The following TXNDC11 variants were observed in gnomAD, a reference collection of about 807,000 sequenced individuals.
TXNDC11 encodes thioredoxin domain-containing protein 11.
A neutral mutation model predicts 78.0 loss-of-function variants in TXNDC11; 68 were observed. That is an observed-to-expected ratio of 0.87 (90% CI 0.72 to 1.07). TXNDC11 has a LOEUF of 1.07. Among genes scored for constraint, TXNDC11 ranks in the 50% least tolerant of loss-of-function variants. The pLI, the probability that TXNDC11 is intolerant of heterozygous loss-of-function variation, is 0.00. For missense variants in TXNDC11, 1,389 were observed against 1,221.8 expected, an observed-to-expected ratio of 1.14 and a Z score of -2.04; for synonymous variants, 571 against 495.2, an observed-to-expected ratio of 1.15 and a Z score of -2.03.
At chr16:11,714,255 C>G (rs2051457077) in intron 5 of TXNDC11, among the ~76,000 whole-genome samples, 1 of 152,172 alleles carries the variant, frequency 6.6e-6, no homozygotes, top group Admixed American at 6.5e-5. Flanking sequence ...AACTCCTGAG[C>G]TCAAGAGATC....
chr16:11,686,479 T>A (rs892991926), intron 10 of TXNDC11, among the ~76,000 whole-genome samples: 2 of 152,232 alleles, frequency 1.3e-5, no homozygotes, highest in African/African-American at 4.8e-5. Context: ...TAAAATTAAC[T>A]GGGTCAAAAA....
intron 7 of TXNDC11, among the ~76,000 whole-genome samples, chr16:11,695,470 G>C (rs1162573211): frequency 1.3e-5 from 2 of 152,092 alleles, no homozygotes; most frequent in Non-Finnish European, 2.9e-5. Context: ...AAAAAGTAAA[G>C]CCACCTAACT....
In TXNDC11 at chr16:11,691,370, T is replaced by C; in HGVS notation, c.1820A>G (p.Glu607Gly). 1 of 1,614,232 alleles carries C rather than the reference T, an allele frequency of 6.2e-7. No individual in the cohort carries two copies. The highest frequency in any genetic ancestry group is 8.5e-7 in the Non-Finnish European group (1 of 1,180,036). ...LGAPSSTQVK[E>G]FAAIVDVKEE... ...TTTCACGTCAACAATTGCCGCAAATTCTTTCACCTGAGTGGAGCTCGGAGC... is the reference window on the plus strand; with the variant it reads ...TTTCACGTCAACAATTGCCGCAAATCCTTTCACCTGAGTGGAGCTCGGAGC... The change falls in exon 8 of 12, where the codon GAA becomes GGA. Residue 607 changes from glutamate to glycine, a missense_variant. By Grantham distance (98) the Glu-to-Gly change is moderately conservative (BLOSUM62 -2). Transcript: ENST00000283033.
rs1597415039 is a variant in TXNDC11, at chr16:11,691,441, G to A, written c.1749C>T (p.Tyr583=). The A allele has an allele frequency of 1.2e-6, 2 of 1,614,208 alleles. No individual in the cohort carries two copies. Among genetic ancestry groups the A allele is most frequent in the South Asian group, 1.1e-5 (1 of 91,084 alleles). Residue 583 remains tyrosine, a synonymous_variant, in exon 8 of 12, where the codon TAC becomes TAT. Coordinates refer to ENST00000283033, the MANE Select transcript of TXNDC11 (RefSeq NM_015914.7). The part of the protein sequence containing the change: ...SCRTNKTLNI[Y]LLDSNLFWLY... ...ACCAAAACAAATTTGAATCCAAAAGGTAGATGTTGAGAGTCTTGTTGGTTC... is the reference window on the plus strand; with the variant it reads ...ACCAAAACAAATTTGAATCCAAAAGATAGATGTTGAGAGTCTTGTTGGTTC...
intron 1 of TXNDC11, 126 bp from the exon 2 acceptor site, chr16:11,736,359 C>A: frequency 1.4e-6 from 1 of 736,878 alleles, no homozygotes; most frequent in Non-Finnish European, 2.2e-6. Flanking sequence ...CCCAAAATCA[C>A]TGCCCTAGAA....
chr16:11,734,288 T>C (rs183913332), intron 2 of TXNDC11, among the ~76,000 whole-genome samples: 1 of 152,248 alleles, frequency 6.6e-6, no homozygotes, highest in Non-Finnish European at 1.5e-5. Flanking sequence ...AGGCAGGACT[T>C]GGACCGTGTT....
At chr16:11,726,483 G>C (rs2051881422) in intron 4 of TXNDC11, among the ~76,000 whole-genome samples, 1 of 151,100 alleles carries the variant, frequency 6.6e-6, no homozygotes, top group Non-Finnish European at 1.5e-5. Flanking sequence ...AGGAGGCTGA[G>C]GCAGGAGAAT....
intron 5 of TXNDC11, among the ~76,000 whole-genome samples, chr16:11,706,914 C>T (rs902104783): frequency 4.0e-5 from 6 of 151,870 alleles, no homozygotes; most frequent in African/African-American, 1.5e-4. Context: ...TTTTTTTTAA[C>T]GAAACACAGA....
At chr16:11,739,435 G>A (rs1307369756) in intron 1 of TXNDC11, among the ~76,000 whole-genome samples, 1 of 152,132 alleles carries the variant, frequency 6.6e-6, no homozygotes, top group Non-Finnish European at 1.5e-5. Context: ...GGAGGCTAAG[G>A]CAGGAGAATT....
intron 5 of TXNDC11, among the ~76,000 whole-genome samples, chr16:11,714,980 G>T (rs2051485769): frequency 6.6e-6 from 1 of 152,116 alleles, no homozygotes; most frequent in African/African-American, 2.4e-5. Context: ...GCCGGGCGTG[G>T]TGGCTCACGC....
intron 3 of TXNDC11, among the ~76,000 whole-genome samples, chr16:11,733,639 T>C (rs1381521495): frequency 6.6e-6 from 1 of 152,232 alleles, no homozygotes; most frequent in Non-Finnish European, 1.5e-5. Flanking sequence ...GATGAAACGA[T>C]AAGAAATTTT....
intron 1 of TXNDC11, among the ~76,000 whole-genome samples, chr16:11,741,568 A>C (rs1191437512): frequency 6.6e-6 from 1 of 152,068 alleles, no homozygotes; most frequent in African/African-American, 2.4e-5. Flanking sequence ...TTTTTGTATA[A>C]GCTTCAAATG....
chr16:11,724,360 G>A (rs1373138500), intron 4 of TXNDC11, among the ~76,000 whole-genome samples: 2 of 152,168 alleles, frequency 1.3e-5, no homozygotes, highest in Non-Finnish European at 2.9e-5. Context: ...TAACACAAAT[G>A]ATGTCCAAAC....
chr16:11,694,445 G>A (rs1186435432), intron 7 of TXNDC11, among the ~76,000 whole-genome samples: 4 of 150,782 alleles, frequency 2.7e-5, no homozygotes, highest in Non-Finnish European at 5.9e-5. Flanking sequence ...CACCGCGCCC[G>A]ACCAGCAATG....
chr16:11,695,122 TACAC>T (rs138866733), intron 7 of TXNDC11, among the ~76,000 whole-genome samples: 1,534 of 152,286 alleles, frequency 0.01, 30 homozygotes, highest in African/African-American at 0.035. Flanking sequence ...AGTTGTGTAA[TACAC>T]ACTGTGATGT....
chr16:11,698,023 C>T (rs373966711), intron 7 of TXNDC11, 102 bp downstream of exon 7: 2 of 1,105,080 alleles, frequency 1.8e-6, no homozygotes, highest in East Asian at 2.4e-5. Context: ...CTCGTGGCAG[C>T]CATTAGCTGC....
Position 11,691,537 on chromosome 16 carries a change from G to T in TXNDC11, c.1653C>A (p.His551Gln). ...CEVDAPSSVP[H>Q]IEENRYLFPE... ...GAAAGAGATACCTGTTCTCCTCAAT[G>T]TGAGGAACGGAGCTTGGGGCATCAA... Residue 551 changes from histidine to glutamine, a missense_variant, in exon 8 of 12, where the codon CAC becomes CAA. Coordinates refer to ENST00000283033, the MANE Select transcript of TXNDC11 (RefSeq NM_015914.7). The T allele has an allele frequency of 6.2e-7, 1 of 1,614,110 alleles. No homozygotes were observed. The highest frequency in any genetic ancestry group is 8.5e-7 in the Non-Finnish European group (1 of 1,179,942).
At chr16:11,713,797 G>C (rs570876302) in intron 5 of TXNDC11, among the ~76,000 whole-genome samples, 3 of 151,838 alleles carry the variant, frequency 2.0e-5, no homozygotes, top group East Asian at 3.9e-4. Context: ...CAGATAGTTA[G>C]AAAAAGGTCT....
chr16:11,696,741 TGGAGGATTTGCAGACTGCTGGAGG>T (rs1335113336), intron 7 of TXNDC11, among the ~76,000 whole-genome samples: 1 of 151,992 alleles, frequency 6.6e-6, no homozygotes, highest in Non-Finnish European at 1.5e-5. Flanking sequence ...TGTTGGTAGG[TGGAGGATTTGCAGACTGCTGGAGG>T]GGACACTCAT....
Sources: allele counts gnomAD v4.1 joint callset (sites outside exome capture counted in the v4.1 genomes callset), GRCh38; gene constraint gnomAD v4.1.1; transcripts MANE v1.5; gene names NCBI Gene and HGNC (gene_info 2026-07-23, HGNC 2026-07-21).